The following SPIDR variants were observed in gnomAD, a reference collection of about 807,000 sequenced individuals.
SPIDR encodes the protein scaffold protein involved in DNA repair.
SPIDR carries 93 observed loss-of-function variants against 104.6 expected under a neutral mutation model. The observed-to-expected ratio is 0.89, with a 90% CI of 0.75 to 1.06. The LOEUF (loss-of-function observed/expected upper bound fraction) is 1.06. Among genes scored for constraint, SPIDR ranks in the 50% least tolerant of loss-of-function variants. The probability of loss-of-function intolerance (pLI) is 0.00; values close to 1 mark genes in which losing one functional copy is unlikely to be tolerated. For missense variants in SPIDR, 1,154 were observed against 1,111.2 expected (o/e 1.04, Z -0.55); for synonymous variants, 431 against 416.9 (o/e 1.03, Z -0.41).
intron 8 of SPIDR, among the ~76,000 whole-genome samples, chr8:47,483,706 A>G (rs1554728799): frequency 1.3e-5 from 2 of 152,138 alleles, no homozygotes; most frequent in African/African-American, 4.8e-5. Context: ...ATCCCTTTAT[A>G]TTTGATTGTC....
intron 8 of SPIDR, among the ~76,000 whole-genome samples, chr8:47,446,580 T>TG (rs1336548839): frequency 1.2e-4 from 18 of 151,148 alleles, no homozygotes; most frequent in African/African-American, 4.1e-4. Flanking sequence ...AGATAATGAT[T>TG]CCTTTTTTTT....
At chr8:47,294,932 A>G (rs2040570568) in intron 5 of SPIDR, among the ~76,000 whole-genome samples, 1 of 152,110 alleles carries the variant, frequency 6.6e-6, no homozygotes, top group Non-Finnish European at 1.5e-5. Context: ...CTGTGACTCC[A>G]ATTACATGTA....
intron 5 of SPIDR, among the ~76,000 whole-genome samples, chr8:47,295,017 G>A (rs2040586589): frequency 6.6e-6 from 1 of 151,780 alleles, no homozygotes; most frequent in African/African-American, 2.4e-5. Flanking sequence ...ATTTCATTTT[G>A]GGTGGTTTCT....
intron 10 of SPIDR, among the ~76,000 whole-genome samples, chr8:47,607,234 T>G (rs1025831088): frequency 1.3e-5 from 2 of 152,230 alleles, no homozygotes. Flanking sequence ...GTCCTTGTAA[T>G]TGATGCCATA....
At chr8:47,459,957 T>G (rs1329839605) in intron 8 of SPIDR, among the ~76,000 whole-genome samples, 2 of 152,214 alleles carry the variant, frequency 1.3e-5, no homozygotes, top group Non-Finnish European at 2.9e-5. Context: ...AAGGTTCCTT[T>G]TGGAGTTGAT....
chr8:47,594,715 C>A (rs928965475), intron 8 of SPIDR, among the ~76,000 whole-genome samples: 3 of 151,976 alleles, frequency 2.0e-5, no homozygotes, highest in African/African-American at 7.3e-5. Flanking sequence ...AACCCAGGGC[C>A]GGGCACAGTG....
chr8:47,678,998 C>G (rs1432401446), intron 11 of SPIDR, among the ~76,000 whole-genome samples: 3 of 152,118 alleles, frequency 2.0e-5, no homozygotes, highest in African/African-American at 4.8e-5. Flanking sequence ...CACTAGTTTC[C>G]CAGGCTTTAT....
chr8:47,511,747 G>C, intron 8 of SPIDR: 1 of 1,298,178 alleles, frequency 7.7e-7, no homozygotes. Context: ...TCGCTCCACA[G>C]CTACAGCTCC....
intron 10 of SPIDR, among the ~76,000 whole-genome samples, chr8:47,662,750 C>T (rs2074320573): frequency 6.6e-6 from 1 of 152,228 alleles, no homozygotes; most frequent in Admixed American, 6.5e-5. Context: ...TTGCATCTCC[C>T]CCAAAATTCA....
chr8:47,292,549 T>A (rs2040107228), intron 4 of SPIDR, among the ~76,000 whole-genome samples: 1 of 152,184 alleles, frequency 6.6e-6, no homozygotes, highest in East Asian at 1.9e-4. Context: ...GCGCCCAGCC[T>A]CCCTTCCATT....
At chr8:47,264,841 C>T (rs547089754) in intron 1 of SPIDR, among the ~76,000 whole-genome samples, 103 of 151,752 alleles carry the variant, frequency 6.8e-4, no homozygotes, top group African/African-American at 2.2e-3. Context: ...AGAATGCATG[C>T]GATGATATAC....
intron 1 of SPIDR, among the ~76,000 whole-genome samples, chr8:47,276,276 C>G (rs1397840048): frequency 6.6e-6 from 1 of 152,180 alleles, no homozygotes; most frequent in African/African-American, 2.4e-5. Flanking sequence ...ATATTCTGTA[C>G]TTGTTAAATG....
chr8:47,370,480 G>T (rs2057851645), intron 5 of SPIDR, among the ~76,000 whole-genome samples: 1 of 134,874 alleles, frequency 7.4e-6, no homozygotes, highest in African/African-American at 2.8e-5. Context: ...GGAGTTTTGC[G>T]CTGTCGCCCA....
At chr8:47,670,606 T>C (rs569992065) in intron 10 of SPIDR, among the ~76,000 whole-genome samples, 2 of 152,184 alleles carry the variant, frequency 1.3e-5, no homozygotes, top group Non-Finnish European at 2.9e-5. Context: ...ATATTCCCTG[T>C]TTCTGTTCTT....
intron 8 of SPIDR, among the ~76,000 whole-genome samples, chr8:47,515,533 A>G (rs952349551): frequency 1.3e-5 from 2 of 152,148 alleles, no homozygotes; most frequent in African/African-American, 4.8e-5. Flanking sequence ...AAGTGTCCCA[A>G]TCCCCTTGGG....
chr8:47,544,391 T>A (rs1405433679), intron 8 of SPIDR, among the ~76,000 whole-genome samples: 2 of 152,228 alleles, frequency 1.3e-5, no homozygotes, highest in African/African-American at 4.8e-5. Context: ...AAATTACCAA[T>A]TTTTCCTTTT....
At chr8:47,545,314 C>G (rs1379591091) in intron 8 of SPIDR, among the ~76,000 whole-genome samples, 1 of 151,864 alleles carries the variant, frequency 6.6e-6, no homozygotes, top group Non-Finnish European at 1.5e-5. Flanking sequence ...AGTGATTCGC[C>G]CTCTTTGGCC....
At position 47,589,910 on chromosome 8, in the gene SPIDR, G is replaced by T. The variant is rs561166216; in HGVS notation, c.1098-5901G>T. Among the ~76,000 whole-genome samples, 30 of 152,042 alleles carry T rather than the reference G, an allele frequency of 2.0e-4. 1 individual carries two copies. Among genetic ancestry groups the T allele is most frequent in the Admixed American group, 9.2e-4 (14 of 15,284 alleles). Reference sequence around the variant, plus strand: ...CAGCTGGGTACGGTGACTCACCCCTGTAATCCCAGCACTTTGAGAGGCTGG... The same window carrying T: ...CAGCTGGGTACGGTGACTCACCCCTTTAATCCCAGCACTTTGAGAGGCTGG... On this transcript the variant is annotated intron_variant, in intron 8 of 19. Transcript: ENST00000297423.
chr8:47,710,327 T>A (rs1272729566), intron 14 of SPIDR, among the ~76,000 whole-genome samples: 1 of 152,160 alleles, frequency 6.6e-6, no homozygotes, highest in Non-Finnish European at 1.5e-5. Context: ...GATTAGAACA[T>A]TTTGGTTCAT....
Sources: allele counts gnomAD v4.1 joint callset (sites outside exome capture counted in the v4.1 genomes callset), GRCh38; gene constraint gnomAD v4.1.1; transcripts MANE v1.5; gene names NCBI Gene and HGNC (gene_info 2026-07-23, HGNC 2026-07-21).